CACNA2D1: variants seen among roughly 807,000 people sequenced by gnomAD.
The protein encoded by CACNA2D1 is calcium voltage-gated channel auxiliary subunit alpha2delta 1, also known as voltage-dependent calcium channel subunit alpha-2/delta-1.
A neutral mutation model predicts 171.5 loss-of-function variants in CACNA2D1; 53 were observed. The ratio of observed to expected loss-of-function variants is 0.31; its 90% confidence interval spans 0.25 to 0.39. The LOEUF is 0.39. Among genes scored for constraint, CACNA2D1 ranks in the 10% least tolerant of loss-of-function variants. The probability of loss-of-function intolerance (pLI) is 1.00; values close to 1 mark genes in which losing one functional copy is unlikely to be tolerated. For synonymous variants in CACNA2D1, 442 were observed against 443.1 expected, an observed-to-expected ratio of 1.00 and a Z score of 0.03; for missense variants, 903 against 1,299.8, an observed-to-expected ratio of 0.69 and a Z score of 4.69.
At chr7:82,109,977 C>A (rs992981762) in intron 6 of CACNA2D1, among the ~76,000 whole-genome samples, 2 of 152,070 alleles carry the variant, frequency 1.3e-5, no homozygotes, top group South Asian at 2.1e-4. Flanking sequence ...GTTTTTTACC[C>A]CAGGATTGTA....
chr7:82,443,809 C>T (rs935535188), upstream of CACNA2D1: 1 of 854,638 alleles, frequency 1.2e-6, no homozygotes, highest in Non-Finnish European at 1.5e-6. Flanking sequence ...GATTTATTCC[C>T]CCGATTGCCG....
chr7:82,362,935 C>T (rs1821234376), intron 1 of CACNA2D1, among the ~76,000 whole-genome samples: 1 of 152,006 alleles, frequency 6.6e-6, no homozygotes, highest in Non-Finnish European at 1.5e-5. Context: ...TACTAAAAAC[C>T]TTTTTATTTA....
intron 6 of CACNA2D1, among the ~76,000 whole-genome samples, chr7:82,106,233 C>T (rs535680736): frequency 3.9e-5 from 6 of 152,206 alleles, no homozygotes; most frequent in South Asian, 2.1e-4. Flanking sequence ...ATTTTATCCA[C>T]GAAGTCAAAT....
intron 1 of CACNA2D1, among the ~76,000 whole-genome samples, chr7:82,426,549 T>C (rs1829208753): frequency 6.6e-6 from 1 of 152,222 alleles, no homozygotes. Flanking sequence ...CATGATGATA[T>C]GTGTGTTGCT....
At chr7:81,966,725 T>G (rs1489555767) in intron 31 of CACNA2D1, among the ~76,000 whole-genome samples, 2 of 151,510 alleles carry the variant, frequency 1.3e-5, no homozygotes, top group East Asian at 3.9e-4. Flanking sequence ...TATAATAAAC[T>G]GTAATACTTC....
chr7:82,392,339 C>A (rs1467928092), intron 1 of CACNA2D1, among the ~76,000 whole-genome samples: 2 of 152,210 alleles, frequency 1.3e-5, no homozygotes, highest in African/African-American at 4.8e-5. Context: ...TGGGGGGCCA[C>A]CCTCATGTCC....
intron 1 of CACNA2D1, among the ~76,000 whole-genome samples, chr7:82,375,243 TTCTA>T (rs774854195): frequency 6.6e-6 from 1 of 152,222 alleles, no homozygotes; most frequent in African/African-American, 2.4e-5. Flanking sequence ...TCTTTCACTT[TTCTA>T]TCTGTCTTAC....
chr7:82,018,727 A>T (rs538232412), intron 12 of CACNA2D1, among the ~76,000 whole-genome samples: 1 of 152,288 alleles, frequency 6.6e-6, no homozygotes, highest in African/African-American at 2.4e-5. Flanking sequence ...TCATGCTTAT[A>T]ATCCCAGCAC....
chr7:82,377,433 A>T (rs3801686), intron 1 of CACNA2D1, among the ~76,000 whole-genome samples: 98,894 of 152,044 alleles, frequency 0.65, 32,283 homozygotes, highest in Middle Eastern at 0.75. Flanking sequence ...AGTAATTCTA[A>T]CAAGAATGCA....
At chr7:82,370,248 T>G (rs968179968) in intron 1 of CACNA2D1, among the ~76,000 whole-genome samples, 11 of 152,082 alleles carry the variant, frequency 7.2e-5, no homozygotes, top group Admixed American at 2.6e-4. Context: ...AACAAAAACT[T>G]TTATTATGTA....
chr7:82,061,503 C>T (rs756567318), intron 9 of CACNA2D1, among the ~76,000 whole-genome samples: 2 of 152,072 alleles, frequency 1.3e-5, no homozygotes, highest in Non-Finnish European at 2.9e-5. Flanking sequence ...TCATAGATAC[C>T]GACTAAATAG....
intron 7 of CACNA2D1, among the ~76,000 whole-genome samples, chr7:82,075,343 GA>G (rs1563006266): frequency 6.6e-6 from 1 of 152,104 alleles, no homozygotes. Context: ...AGTCAACAGG[GA>G]AAAGTCGGGT....
intron 1 of CACNA2D1, among the ~76,000 whole-genome samples, chr7:82,428,774 A>T (rs1829421942): frequency 6.6e-6 from 1 of 152,218 alleles, no homozygotes; most frequent in African/African-American, 2.4e-5. Flanking sequence ...AAAGAAAATT[A>T]ACTTTCCAAG....
At chr7:82,137,707 T>TAAAAAAGAAAAAAAAAAA (rs1791811785) in intron 4 of CACNA2D1, among the ~76,000 whole-genome samples, 1 of 78,844 alleles carries the variant, frequency 1.3e-5, no homozygotes, top group African/African-American at 5.3e-5. Context: ...CCGTCTCTAC[T>TAAAAAAGAAAAAAAAAAA]AAAAAAAAAA....
chr7:82,008,400 T>C (rs994612040), intron 15 of CACNA2D1, among the ~76,000 whole-genome samples: 3 of 152,072 alleles, frequency 2.0e-5, no homozygotes, highest in African/African-American at 7.2e-5. Context: ...ACTGCAAGCA[T>C]CAAATATAAA....
chr7:82,290,236 G>C (rs555174480), intron 3 of CACNA2D1, among the ~76,000 whole-genome samples: 2 of 152,120 alleles, frequency 1.3e-5, no homozygotes, highest in Non-Finnish European at 2.9e-5. Flanking sequence ...CATAATACAG[G>C]AAAAATCAAA....
intron 12 of CACNA2D1, among the ~76,000 whole-genome samples, chr7:82,016,852 C>G (rs371453677): frequency 1.2e-4 from 18 of 152,116 alleles, no homozygotes; most frequent in African/African-American, 3.9e-4. Context: ...TAAATGTAAG[C>G]TGCATTAACT....
At position 82,344,576 on chromosome 7, in the gene CACNA2D1, G is replaced by A. The variant is rs1585584557; in HGVS notation, c.177+4992C>T. ...TTGAAAATGAATGTAATTAACCACTGTTTAAACAAAAATAGCTTCTTACTT... is the reference window on the plus strand; with the variant it reads ...TTGAAAATGAATGTAATTAACCACTATTTAAACAAAAATAGCTTCTTACTT... On this transcript the variant is annotated intron_variant, in intron 2 of 38. Transcript: ENST00000356860. Among the ~76,000 whole-genome samples, 3 of 152,240 alleles carry A rather than the reference G, an allele frequency of 2.0e-5. No homozygotes were observed. The East Asian group carries it at 5.8e-4, about 29-fold the overall frequency.
chr7:82,140,387 TTC>T (rs1313452021), intron 4 of CACNA2D1, among the ~76,000 whole-genome samples: 2 of 152,190 alleles, frequency 1.3e-5, no homozygotes, highest in Non-Finnish European at 2.9e-5. Context: ...AAATATGCTT[TTC>T]TTTCCCAAAC....
Sources: allele counts gnomAD v4.1 joint callset (sites outside exome capture counted in the v4.1 genomes callset), GRCh38; gene constraint gnomAD v4.1.1; transcripts MANE v1.5; gene names NCBI Gene and HGNC (gene_info 2026-07-23, HGNC 2026-07-21).